PPP2R5E: variants seen among roughly 807,000 people sequenced by gnomAD.
PPP2R5E encodes protein phosphatase 2 regulatory subunit B'epsilon, also known as serine/threonine-protein phosphatase 2A 56 kDa regulatory subunit epsilon isoform.
PPP2R5E carries 4 observed loss-of-function variants against 65.3 expected under a neutral mutation model. That is an observed-to-expected ratio of 0.06 (90% CI 0.03 to 0.14). The LOEUF is 0.14. Ranked by LOEUF, PPP2R5E falls within the 10% of genes least tolerant of loss-of-function variation. The probability of loss-of-function intolerance (pLI) is 1.00; values close to 1 mark genes in which losing one functional copy is unlikely to be tolerated. For missense variants in PPP2R5E, 274 were observed against 556.1 expected, an observed-to-expected ratio of 0.49 and a Z score of 5.10; for synonymous variants, 183 against 187.4, an observed-to-expected ratio of 0.98 and a Z score of 0.19.
intron 2 of PPP2R5E, among the ~76,000 whole-genome samples, chr14:63,520,182 C>A (rs533468113): frequency 6.6e-6 from 1 of 151,794 alleles, no homozygotes; most frequent in Non-Finnish European, 1.5e-5. Flanking sequence ...ACTACTGGCG[C>A]CCGCCACCAC....
At chr14:63,392,960 G>C (rs918004874) in intron 8 of PPP2R5E, among the ~76,000 whole-genome samples, 4 of 152,084 alleles carry the variant, frequency 2.6e-5, no homozygotes, top group Non-Finnish European at 4.4e-5. Flanking sequence ...AATTAGAATG[G>C]GGACAAGACA....
intron 3 of PPP2R5E, among the ~76,000 whole-genome samples, chr14:63,438,652 A>G (rs1888055393): frequency 6.6e-6 from 1 of 152,220 alleles, no homozygotes; most frequent in South Asian, 2.1e-4. Context: ...AAACAATTTT[A>G]AGTATATTAA....
intron 2 of PPP2R5E, among the ~76,000 whole-genome samples, chr14:63,484,378 CACACACACAA>C (rs1566736497): frequency 6.6e-6 from 1 of 151,514 alleles, no homozygotes; most frequent in East Asian, 1.9e-4. Context: ...CACACACACA[CACACACACAA>C]AGAATCGTAT....
chr14:63,416,536 G>T (rs976553848), intron 4 of PPP2R5E, among the ~76,000 whole-genome samples: 1 of 151,464 alleles, frequency 6.6e-6, no homozygotes, highest in South Asian at 2.1e-4. Context: ...CTAACTTTTT[G>T]GTCTCACTCC....
At chr14:63,458,084 A>AT (rs538544400) in intron 2 of PPP2R5E, among the ~76,000 whole-genome samples, 9 of 152,200 alleles carry the variant, frequency 5.9e-5, no homozygotes, top group Non-Finnish European at 1.3e-4. Context: ...ACATCTGAAT[A>AT]TTTTTTAAAT....
rs2139722232 is a variant in PPP2R5E at position 63,375,335 on chromosome 14, CTAT to C, written c.*671_*673del. The C allele has an allele frequency of 6.5e-6, 1 of 152,684 alleles. No homozygotes were observed. The highest frequency in any genetic ancestry group is 1.9e-4 in the East Asian group (1 of 5,192). 9.5% of individuals were successfully genotyped at this position (152,684 alleles called of 1,614,324 possible). ...CATGAATCCGATATTCCCTTCCCTA[CTAT>C]GTTTATCACCTCTTCTCTCTTAACT... On this transcript the variant is annotated 3_prime_UTR_variant, in exon 14 of 14. Coordinates refer to ENST00000337537, the MANE Select transcript of PPP2R5E (RefSeq NM_006246.5).
At chr14:63,463,102 CA>C (rs35267340) in intron 2 of PPP2R5E, among the ~76,000 whole-genome samples, 31,439 of 88,484 alleles carry the variant, frequency 0.36, 4,521 homozygotes, top group African/African-American at 0.49. Context: ...AACTCCATCT[CA>C]AAAAAAAAAA....
intron 6 of PPP2R5E, 40 bp from the exon 7 acceptor site, chr14:63,395,325 G>A (rs1481118716): frequency 4.2e-6 from 6 of 1,440,992 alleles, no homozygotes; most frequent in Admixed American, 1.7e-5. Context: ...AGGAGGAGAG[G>A]AGGAGGAGAA....
At chr14:63,471,065 CTGAA>C (rs1199780803) in intron 2 of PPP2R5E, among the ~76,000 whole-genome samples, 1 of 152,206 alleles carries the variant, frequency 6.6e-6, no homozygotes, top group African/African-American at 2.4e-5. Context: ...AGAGACCACT[CTGAA>C]TGACATTCAT....
chr14:63,465,028 GAAGA>G (rs1285969142), intron 2 of PPP2R5E, among the ~76,000 whole-genome samples: 1 of 98,470 alleles, frequency 1.0e-5, no homozygotes, highest in African/African-American at 5.5e-5. Context: ...GTCTCAAGAA[GAAGA>G]AAAAAAAAAA....
intron 1 of PPP2R5E, among the ~76,000 whole-genome samples, chr14:63,541,538 T>C (rs1402611397): frequency 6.6e-6 from 1 of 152,230 alleles, no homozygotes; most frequent in African/African-American, 2.4e-5. Context: ...ATCATTTCCA[T>C]GGCACTGAGG....
chr14:63,505,198 G>T (rs1034388150), intron 2 of PPP2R5E, among the ~76,000 whole-genome samples: 1 of 152,096 alleles, frequency 6.6e-6, no homozygotes, highest in South Asian at 2.1e-4. Context: ...AGCCGGACAT[G>T]TTTGCTTGAA....
rs188935240 is a variant in PPP2R5E at position 63,483,669 on chromosome 14, G to C, written c.158-29784C>G. ...AGCACACTACCAGCTCCTGCAGGCA[G>C]CTCCATGAAAGGTGGGTCCACAGGG... On this transcript the variant is annotated intron_variant, in intron 2 of 13. Transcript: ENST00000337537. Among the ~76,000 whole-genome samples, 277 of 152,250 alleles carry C rather than the reference G, an allele frequency of 1.8e-3. 1 individual carries two copies. Among genetic ancestry groups the C allele is most frequent in the African/African-American group, 6.3e-3 (262 of 41,558 alleles).
chr14:63,410,329 C>G (rs575744305), intron 5 of PPP2R5E, among the ~76,000 whole-genome samples: 1 of 152,214 alleles, frequency 6.6e-6, no homozygotes, highest in Non-Finnish European at 1.5e-5. Context: ...GAGAAACACA[C>G]TAGGAACAGG....
intron 13 of PPP2R5E, among the ~76,000 whole-genome samples, chr14:63,376,778 T>C (rs1029861162): frequency 1.3e-5 from 2 of 152,208 alleles, no homozygotes; most frequent in African/African-American, 4.8e-5. Context: ...GATGCAGGAA[T>C]ATAAGACTAT....
chr14:63,490,428 A>C (rs1010860001), intron 2 of PPP2R5E, among the ~76,000 whole-genome samples: 2 of 152,162 alleles, frequency 1.3e-5, no homozygotes, highest in Admixed American at 1.3e-4. Flanking sequence ...CAGTGAAAGA[A>C]ATTATCAACA....
chr14:63,541,276 A>T (rs1413222887), intron 1 of PPP2R5E, among the ~76,000 whole-genome samples: 1 of 152,238 alleles, frequency 6.6e-6, no homozygotes. Context: ...CTTAATAAAA[A>T]CTATGAGAAA....
chr14:63,404,321 C>T (rs1252342438), intron 5 of PPP2R5E, among the ~76,000 whole-genome samples: 2 of 152,112 alleles, frequency 1.3e-5, no homozygotes, highest in Non-Finnish European at 2.9e-5. Flanking sequence ...AAATAGATAA[C>T]CGATAAAATT....
At chr14:63,397,502 TAAAAAAAAAAAAAAAAA>T (rs1163450765) in intron 5 of PPP2R5E, among the ~76,000 whole-genome samples, 2 of 62,294 alleles carry the variant, frequency 3.2e-5, no homozygotes, top group Non-Finnish European at 6.0e-5. Flanking sequence ...ATTCGGTCTT[TAAAAAAAAAAAAAAAAA>T]AAAAAAAAAA....
Sources: gnomAD v4.1 joint callset for allele counts (sites outside exome capture counted in the v4.1 genomes callset) on GRCh38, gnomAD v4.1.1 for gene constraint, MANE v1.5 for transcripts, NCBI Gene and HGNC (gene_info 2026-07-23, HGNC 2026-07-21) for gene names.